Variants in SHLD2 observed in about 807,000 individuals in gnomAD.
SHLD2 encodes the protein shieldin complex subunit 2, also known as RINN1-REV7-interacting novel NHEJ regulator 2.
In SHLD2, 30 loss-of-function variants were observed where a neutral mutation model predicts 73.2. The observed-to-expected ratio is 0.41, with a 90% confidence interval of 0.31 to 0.56. SHLD2 has a LOEUF of 0.56. SHLD2 is among the 20% of genes least tolerant of loss of function. The pLI is 0.28. For missense variants in SHLD2, 745 were observed against 1,055.9 expected (o/e 0.71, Z 4.08); for synonymous variants, 285 against 370.1 (o/e 0.77, Z 2.64).
chr10:87,180,117 C>T lies in SHLD2; in HGVS notation c.2213C>T (p.Pro738Leu). The part of the protein sequence containing the change: ...IKAQISELAF[P>L]ITASQKIALN... ...GCCCAGATTTCAGAGCTGGCATTTCCTATTACAGCATCTCAGAAGATAGCG... is the reference window on the plus strand; with the variant it reads ...GCCCAGATTTCAGAGCTGGCATTTCTTATTACAGCATCTCAGAAGATAGCG... The change falls in exon 8 of 10, where the codon CCT becomes CTT. Residue 738 changes from proline to leucine, a missense_variant. Transcript: ENST00000298786. 1 of 1,613,862 alleles carries T rather than the reference C, an allele frequency of 6.2e-7. No individual in the cohort carries two copies.
chr10:87,128,530 T>C (rs1844202235), intron 2 of SHLD2, among the ~76,000 whole-genome samples: 1 of 152,254 alleles, frequency 6.6e-6, no homozygotes, highest in South Asian at 2.1e-4. Flanking sequence ...TCTCCTCTTA[T>C]GTCTTCCTGT....
intron 9 of SHLD2, 116 bp from the exon 10 acceptor site, chr10:87,190,368 A>T (rs1023431923): frequency 5.0e-5 from 46 of 921,714 alleles, no homozygotes; most frequent in Non-Finnish European, 7.5e-5. Context: ...CGGGAGGAGA[A>T]ATTTAAAATG....
chr10:87,094,634 C>T (rs780956934), upstream of SHLD2: 10 of 1,607,160 alleles, frequency 6.2e-6, no homozygotes, highest in Admixed American at 5.0e-5. This position sits in a 1 kb window ranked among gnomAD's most constrained non-coding sequence, Gnocchi z 6.6. Flanking sequence ...GCGGCCAATG[C>T]CAGCCCCGGC....
intron 7 of SHLD2, among the ~76,000 whole-genome samples, chr10:87,178,964 G>A (rs1848129636): frequency 6.6e-6 from 1 of 152,062 alleles, no homozygotes. Context: ...GAAAACAGTA[G>A]GAGACTAGAG....
At chr10:87,115,595 G>A (rs1206361796) in intron 2 of SHLD2, 1 of 152,016 alleles carries the variant, frequency 6.6e-6, no homozygotes, top group African/African-American at 2.4e-5. Flanking sequence ...GGGTTAAAAC[G>A]TTCAGATTGT....
At chr10:87,100,520 C>T (rs1266852612) in intron 2 of SHLD2, among the ~76,000 whole-genome samples, 1 of 151,646 alleles carries the variant, frequency 6.6e-6, no homozygotes, top group Admixed American at 6.6e-5. Flanking sequence ...CTCTGTTGCC[C>T]AGGCTGGAGT....
chr10:87,095,071 G>C (rs1390640930), upstream of SHLD2: 1 of 142,392 alleles, frequency 7.0e-6, no homozygotes, highest in Non-Finnish European at 1.5e-5. Context: ...CGGCGCGCAC[G>C]CTCGCGCGCC....
At chr10:87,175,655 G>T (rs1847907361) in intron 6 of SHLD2, among the ~76,000 whole-genome samples, 2 of 152,086 alleles carry the variant, frequency 1.3e-5, no homozygotes, top group Admixed American at 6.5e-5. Context: ...CTGCTCTCCA[G>T]CCTGGGCAAC....
Position 87,187,114 on chromosome 10 carries a change from G to A in SHLD2, c.2429G>A (p.Arg810Lys). The change falls in exon 9 of 10, where the codon AGA becomes AAA. Residue 810 changes from arginine to lysine, a missense_variant. Transcript: ENST00000298786. ...GCGTTAATGACTGCCATTGATGGAA[G>A]ACATGATGTTTGTATCCGTGTAGAA... ...RPALMTAIDG[R>K]HDVCIRVESK... 1 of 1,613,288 alleles carries A rather than the reference G, an allele frequency of 6.2e-7. No individual in the cohort carries two copies.
chr10:87,129,981 C>T (rs1197018889), intron 2 of SHLD2, among the ~76,000 whole-genome samples: 1 of 151,972 alleles, frequency 6.6e-6, no homozygotes, highest in African/African-American at 2.4e-5. Context: ...TTATTGACAT[C>T]AGAAATTCCT....
rs1845742788 is a variant in SHLD2 at position 87,147,984 on chromosome 10, A to G, written c.-5-3366A>G. Among the ~76,000 whole-genome samples the G allele has an allele frequency of 2.0e-5, 3 of 151,358 alleles. No homozygotes were observed. In the South Asian group the frequency reaches 6.3e-4, roughly 32 times the overall value. ...GCGATTCTCATGCCTCAGCCTCCTG[A>G]GTAGCTGGGATTACAGGTGCGTGCC... On this transcript the variant is annotated intron_variant, in intron 2 of 9. Transcript: ENST00000298786.
chr10:87,114,754 C>T (rs1055015072), intron 2 of SHLD2, among the ~76,000 whole-genome samples: 1 of 151,824 alleles, frequency 6.6e-6, no homozygotes, highest in African/African-American at 2.4e-5. Context: ...AACAAAAAAC[C>T]AGTCAGTACT....
At chr10:87,159,100 TA>T (rs1846632974) in intron 4 of SHLD2, among the ~76,000 whole-genome samples, 1 of 152,150 alleles carries the variant, frequency 6.6e-6, no homozygotes, top group East Asian at 1.9e-4. Flanking sequence ...GCTAGAGAAA[TA>T]TACTGATTAT....
intron 2 of SHLD2, among the ~76,000 whole-genome samples, chr10:87,120,448 C>T (rs1449452718): frequency 4.0e-5 from 6 of 151,740 alleles, no homozygotes; most frequent in African/African-American, 9.7e-5. Context: ...AGGGTTTCAC[C>T]GTGTTAGCTA....
rs186692216 is a variant in SHLD2 at position 87,134,215 on chromosome 10, C to A, written c.-5-17135C>A. On this transcript the variant is annotated intron_variant, in intron 2 of 9. Coordinates refer to ENST00000298786, the MANE Select transcript of SHLD2 (RefSeq NM_001330112.2). ...TTATAAGATATTGCCATTCTTGTAA[C>A]TGAAAACCTATAAAAGCAGGATAAG... is the stretch of plus-strand genomic sequence containing the variant. 2.3e-3 allele frequency among the ~76,000 whole-genome samples: 351 copies of A among 152,278 alleles called. 1 individual carries two copies. Among genetic ancestry groups the A allele is most frequent in the Non-Finnish European group, 4.5e-3 (304 of 68,028 alleles).
At chr10:87,126,466 A>T (rs1844016669) in intron 2 of SHLD2, among the ~76,000 whole-genome samples, 1 of 152,086 alleles carries the variant, frequency 6.6e-6, no homozygotes. Flanking sequence ...CCATAGTATT[A>T]AGTTTGCAGT....
chr10:87,170,625 T>C lies in SHLD2; in HGVS notation c.1781T>C (p.Val594Ala), dbSNP rs878938676. ...GAATTGGAGCACCTTCAACCTGATG[T>C]ATTAGTCCACGCAGTACTAAGAGTT... ...FVELEHLQPD[V>A]LVHAVLRVVD... Residue 594 changes from valine (V) to alanine (A), a missense_variant, in exon 5 of 10, where the codon GTA (valine) becomes GCA (alanine). This residue lies in a region of SHLD2 where 418 missense variants were observed against 567.8 expected (regional missense o/e 0.74). Transcript: ENST00000298786. 6.2e-7 allele frequency: 1 copy of C among 1,612,988 alleles called. No individual in the cohort carries two copies. Among genetic ancestry groups the C allele is most frequent in the Non-Finnish European group, 8.5e-7 (1 of 1,179,590 alleles).
intron 2 of SHLD2, among the ~76,000 whole-genome samples, chr10:87,142,946 T>A (rs1431758374): frequency 2.3e-5 from 3 of 131,488 alleles, no homozygotes; most frequent in Admixed American, 7.7e-5. Flanking sequence ...TTTTTTTTTT[T>A]AGAGACAGTG....
At position 87,180,181 on chromosome 10, in the gene SHLD2, T is replaced by G; in HGVS notation, c.2277T>G (p.Ser759=). 6.2e-7 allele frequency: 1 copy of G among 1,613,768 alleles called. No individual in the cohort carries two copies. The highest frequency in any genetic ancestry group is 8.5e-7 in the Non-Finnish European group (1 of 1,179,714). Reference sequence around the variant, plus strand: ...GTTCTCTGAAGAGTATTTTTTCTTCTCTTCCCAACATCGTATATACTGGTT... The same window carrying G: ...GTTCTCTGAAGAGTATTTTTTCTTCGCTTCCCAACATCGTATATACTGGTT... ...AHSSLKSIFS[S]LPNIVYTGCA... The change falls in exon 8 of 10, where the codon TCT becomes TCG. Residue 759 remains serine (S), a synonymous_variant. Coordinates refer to ENST00000298786, the MANE Select transcript of SHLD2 (RefSeq NM_001330112.2).
Sources: allele counts gnomAD v4.1 joint callset (sites outside exome capture counted in the v4.1 genomes callset), GRCh38; gene constraint gnomAD v4.1.1; regional missense constraint gnomAD v4.1.1; non-coding constraint Gnocchi (gnomAD v3.1); transcripts MANE v1.5; gene names NCBI Gene and HGNC (gene_info 2026-07-23, HGNC 2026-07-21).